Variants in CENPE observed in about 807,000 individuals in gnomAD.
CENPE encodes the protein centromere-associated protein E.
A neutral mutation model predicts 336.1 loss-of-function variants in CENPE; 145 were observed. That is an observed-to-expected ratio of 0.43 (90% CI 0.38 to 0.50). The LOEUF (loss-of-function observed/expected upper bound fraction) is 0.50. CENPE is among the 20% of genes least tolerant of loss of function. The probability of loss-of-function intolerance (pLI) is 0.00; values close to 1 mark genes in which losing one functional copy is unlikely to be tolerated. For synonymous variants in CENPE, 1,013 were observed against 984.8 expected (o/e 1.03, Z -0.54); for missense variants, 2,719 against 3,023.3 (o/e 0.90, Z 2.36).
At chr4:103,132,327 A>G (rs1347186423) in intron 42 of CENPE, among the ~76,000 whole-genome samples, 1 of 152,184 alleles carries the variant, frequency 6.6e-6, no homozygotes, top group African/African-American at 2.4e-5. Context: ...CTTGTCTATG[A>G]CTTTACCACA....
intron 39 of CENPE, 49 bp from the exon 40 acceptor site, chr4:103,136,408 C>A (rs1279288474): frequency 7.7e-7 from 1 of 1,296,584 alleles, no homozygotes. Flanking sequence ...ATTCTAATAT[C>A]ACAATAAGTA....
At chr4:103,149,507 G>T in intron 26 of CENPE, 99 bp from the exon 27 acceptor site, 1 of 1,004,608 alleles carries the variant, frequency 1.0e-6, no homozygotes, top group South Asian at 1.9e-5. Context: ...CATATAAATA[G>T]GTAAGTAGCA....
intron 42 of CENPE, among the ~76,000 whole-genome samples, chr4:103,124,437 C>A (rs770155882): frequency 8.6e-5 from 13 of 151,990 alleles, no homozygotes; most frequent in Non-Finnish European, 1.9e-4. Flanking sequence ...ATGAAGAGAA[C>A]CTGAAGAATT....
At chr4:103,169,338 A>G (rs1183985738) in intron 16 of CENPE, among the ~76,000 whole-genome samples, 1 of 152,196 alleles carries the variant, frequency 6.6e-6, no homozygotes, top group Non-Finnish European at 1.5e-5. Context: ...GTAGAGAAAA[A>G]TAAAGGGACA....
In CENPE at chr4:103,177,420, C is replaced by T. The variant is rs189349522; in HGVS notation, c.1243-374G>A. On this transcript the variant is annotated intron_variant, in intron 13 of 48. Transcript: ENST00000265148. Reference sequence around the variant, plus strand: ...TGTGTTTCTCCAGGTTTCATAGCCACCATTCTTCTCTTGACTCTTTACTGG... The same window carrying T: ...TGTGTTTCTCCAGGTTTCATAGCCATCATTCTTCTCTTGACTCTTTACTGG... Among the ~76,000 whole-genome samples the T allele has an allele frequency of 1.8e-3, 281 of 152,036 alleles. 2 individuals carry two copies. The highest frequency in any genetic ancestry group is 6.2e-3 in the African/African-American group (257 of 41,512).
chr4:103,185,301 C>T (rs1756668693), intron 9 of CENPE, among the ~76,000 whole-genome samples: 1 of 147,036 alleles, frequency 6.8e-6, no homozygotes, highest in Non-Finnish European at 1.5e-5. Context: ...TGAGAGTCTG[C>T]CTTAGAAAAA....
chr4:103,183,031 C>CTAAT (rs1455385440), intron 10 of CENPE, 140 bp from the exon 11 acceptor site: 2 of 950,858 alleles, frequency 2.1e-6, no homozygotes, highest in African/African-American at 3.4e-5. Context: ...ATTAAAACTA[C>CTAAT]TAAAAAATAT....
At chr4:103,137,590 G>C (rs1752174624) in intron 39 of CENPE, among the ~76,000 whole-genome samples, 1 of 152,132 alleles carries the variant, frequency 6.6e-6, no homozygotes, top group African/African-American at 2.4e-5. Flanking sequence ...CTTATGTCAG[G>C]AATGTGCTAA....
At chr4:103,162,993 G>T (rs748780658) in intron 18 of CENPE, 144 bp downstream of exon 18, 2 of 543,908 alleles carry the variant, frequency 3.7e-6, no homozygotes, top group Non-Finnish European at 5.9e-6. Context: ...TATCTCATAG[G>T]GTTATTGACA....
At chr4:103,147,997 C>G (rs1465834260) in intron 28 of CENPE, among the ~76,000 whole-genome samples, 1 of 151,990 alleles carries the variant, frequency 6.6e-6, no homozygotes, top group Non-Finnish European at 1.5e-5. Flanking sequence ...TCCCACTGGC[C>G]ATTATCATAA....
chr4:103,148,807 A>T, intron 28 of CENPE, 37 bp downstream of exon 28: 1 of 1,576,470 alleles, frequency 6.3e-7, no homozygotes, highest in South Asian at 1.2e-5. Context: ...GAAAGGAAGG[A>T]AGAAGTGACA....
At position 103,149,381 on chromosome 4, in the gene CENPE, G is replaced by T. The variant is rs1166404532; in HGVS notation, c.3424C>A (p.Gln1142Lys). 6.4e-7 allele frequency: 1 copy of T among 1,569,930 alleles called. No homozygotes were observed. The highest frequency in any genetic ancestry group is 2.3e-5 in the East Asian group (1 of 44,432). Residue 1142 changes from glutamine (Q) to lysine (K), a missense_variant, in exon 27 of 49, where the codon CAA (glutamine) becomes AAA (lysine). Physicochemically the swap from Gln to Lys is moderately conservative, Grantham distance 53 (BLOSUM62 1). This residue lies in a region of CENPE where 2,437 missense variants were observed against 2,513.3 expected (regional missense o/e 0.97). Coordinates refer to ENST00000265148, the MANE Select transcript of CENPE (RefSeq NM_001813.3). ...ATCTCTTCTTGTACATTAAGAAGTTGTTGCTGTTTTTCTTGGAGTTGCTGG... is the reference window on the plus strand; with the variant it reads ...ATCTCTTCTTGTACATTAAGAAGTTTTTGCTGTTTTTCTTGGAGTTGCTGG... ...KSQQLQEKQQQLLNVQEEMSE... is the reference protein window; with the variant it reads ...KSQQLQEKQQKLLNVQEEMSE...
chr4:103,182,789 A>C lies in CENPE; in HGVS notation c.936T>G (p.Ser312=). 6.2e-7 allele frequency: 1 copy of C among 1,610,814 alleles called. No individual in the cohort carries two copies. The highest frequency in any genetic ancestry group is 8.5e-7 in the Non-Finnish European group (1 of 1,178,244). ...TRIICTITPV[S]FDETLTALQF... Reference sequence around the variant, plus strand: ...GGAGAGCAGTAAGTGTTTCATCAAAAGATACTGGAGTAATTGTGCAGATAA... The same window carrying C: ...GGAGAGCAGTAAGTGTTTCATCAAACGATACTGGAGTAATTGTGCAGATAA... Residue 312 remains serine (S), a synonymous_variant, in exon 11 of 49, where the codon TCT becomes TCG. Coordinates refer to ENST00000265148, the MANE Select transcript of CENPE (RefSeq NM_001813.3).
intron 40 of CENPE, among the ~76,000 whole-genome samples, chr4:103,134,348 T>C (rs759131989): frequency 2.6e-5 from 4 of 152,056 alleles, no homozygotes; most frequent in Non-Finnish European, 4.4e-5. Flanking sequence ...CAAGACTTCC[T>C]TGTCGGCCGG....
At chr4:103,183,733 T>G (rs1410614584) in intron 9 of CENPE, among the ~76,000 whole-genome samples, 3 of 152,202 alleles carry the variant, frequency 2.0e-5, no homozygotes, top group Non-Finnish European at 4.4e-5. Flanking sequence ...AAAAGCTCCC[T>G]TCCACTTTTA....
chr4:103,111,616 G>A (rs1335185682), intron 46 of CENPE, among the ~76,000 whole-genome samples: 4 of 152,198 alleles, frequency 2.6e-5, no homozygotes, highest in Non-Finnish European at 5.9e-5. Context: ...AAGAGGGATA[G>A]TGTGTGTGTT....
Position 103,105,911 on chromosome 4 carries a change from G to A in CENPE, c.*311C>T. The stretch of plus-strand genomic sequence containing the variant: ...TATATTAATGTATGTATTATGCTTT[G>A]GAATATGCTAAGTCATGTAGATAAC... On this transcript the variant is annotated 3_prime_UTR_variant, in exon 49 of 49. Transcript: ENST00000265148. 1 of 185,608 alleles carries A rather than the reference G, an allele frequency of 5.4e-6. No homozygotes were observed. 11.5% of individuals were successfully genotyped at this position (185,608 alleles called of 1,614,324 possible).
rs181507974 is a variant in CENPE at position 103,158,418 on chromosome 4, G to A, written c.2915C>T (p.Ser972Phe). 1 of 1,602,522 alleles carries A rather than the reference G, an allele frequency of 6.2e-7. No individual in the cohort carries two copies. The highest frequency in any genetic ancestry group is 2.2e-5 in the East Asian group (1 of 44,604). ...AATTGTTTCTTGATGTTGTTTCAGA[G>A]ACTCAAGAGCATTTCGTAATTGTTC... Reference protein sequence around the residue: ...TQEQLRNALESLKQHQETINT... With the variant: ...TQEQLRNALEFLKQHQETINT... Residue 972 changes from serine to phenylalanine, a missense_variant, in exon 24 of 49, where the codon TCT (serine) becomes TTT (phenylalanine). Around this residue, in one of 5 missense-constraint regions of CENPE, gnomAD observed 2,437 missense variants for 2,513.3 expected, o/e 0.97. Coordinates refer to ENST00000265148, the MANE Select transcript of CENPE (RefSeq NM_001813.3).
At chr4:103,168,436 A>G (rs1245524746) in intron 16 of CENPE, among the ~76,000 whole-genome samples, 2 of 152,158 alleles carry the variant, frequency 1.3e-5, no homozygotes, top group African/African-American at 4.8e-5. Context: ...GCAGTTCTGG[A>G]AAGAACCTTG....
Sources: allele counts gnomAD v4.1 joint callset (sites outside exome capture counted in the v4.1 genomes callset), GRCh38; gene constraint gnomAD v4.1.1; regional missense constraint gnomAD v4.1.1; transcripts MANE v1.5; gene names NCBI Gene and HGNC (gene_info 2026-07-23, HGNC 2026-07-21).